TRERF1: variants seen among roughly 807,000 people sequenced by gnomAD.
The protein encoded by TRERF1 is transcriptional-regulating factor 1.
In TRERF1, 27 loss-of-function variants were observed where a neutral mutation model predicts 122.9. That is an observed-to-expected ratio of 0.22 (90% CI 0.16 to 0.30). The LOEUF (loss-of-function observed/expected upper bound fraction) is 0.30, where lower values mean the gene tolerates loss of function less well. TRERF1 is among the 10% of genes least tolerant of loss of function. The pLI, the probability that TRERF1 is intolerant of heterozygous loss-of-function variation, is 1.00. For synonymous variants in TRERF1, 636 were observed against 641.7 expected, an observed-to-expected ratio of 0.99 and a Z score of 0.13; for missense variants, 1,248 against 1,560.3, an observed-to-expected ratio of 0.80 and a Z score of 3.37.
At chr6:42,248,853 C>T (rs544480272) in intron 13 of TRERF1, among the ~76,000 whole-genome samples, 2 of 152,226 alleles carry the variant, frequency 1.3e-5, no homozygotes, top group South Asian at 2.1e-4. Flanking sequence ...GGATTTGAGG[C>T]TCTATATCAC....
At chr6:42,408,435 G>A (rs1175939673) in intron 2 of TRERF1, among the ~76,000 whole-genome samples, 8 of 138,020 alleles carry the variant, frequency 5.8e-5, no homozygotes, top group Non-Finnish European at 9.1e-5. Context: ...CTGGAGTGCA[G>A]TGGCGTGATC....
intron 2 of TRERF1, among the ~76,000 whole-genome samples, chr6:42,436,342 C>T (rs996246321): frequency 6.6e-6 from 1 of 151,630 alleles, no homozygotes; most frequent in African/African-American, 2.4e-5. Flanking sequence ...GCACTCCAGC[C>T]TGGGTGACAG....
chr6:42,261,374 G>C (rs1051360867), intron 8 of TRERF1, among the ~76,000 whole-genome samples: 2 of 152,120 alleles, frequency 1.3e-5, no homozygotes, highest in African/African-American at 2.4e-5. Context: ...TGGATTTTCC[G>C]ATCCTCCAGG....
intron 15 of TRERF1, among the ~76,000 whole-genome samples, chr6:42,240,827 T>TGA (rs1773514376): frequency 6.6e-6 from 1 of 152,220 alleles, no homozygotes; most frequent in Admixed American, 6.5e-5. Context: ...TACACATTGC[T>TGA]GTTTACATTG....
rs1347389179 is a variant in TRERF1, at chr6:42,232,471, T to C, written c.3278+210A>G. 6.6e-6 allele frequency among the ~76,000 whole-genome samples: 1 copy of C among 152,128 alleles called. No individual in the cohort carries two copies. Among genetic ancestry groups the C allele is most frequent in the African/African-American group, 2.4e-5 (1 of 41,410 alleles). ...CTTACAGGTTCACTCTCTGAAGATA[T>C]CCATCCTTACAAGGCTCTAAGATAA... On this transcript the variant is annotated intron_variant, in intron 17 of 17. Transcript: ENST00000372922. The surrounding 1 kb of genome is among the most constrained non-coding windows in gnomAD (Gnocchi z 4.5).
intron 2 of TRERF1, among the ~76,000 whole-genome samples, chr6:42,435,360 T>A (rs932930465): frequency 1.3e-5 from 2 of 152,058 alleles, no homozygotes; most frequent in Admixed American, 1.3e-4. Context: ...ATGGATGGCA[T>A]GTATACAGAG....
At chr6:42,307,830 C>G (rs1366172473) in intron 3 of TRERF1, among the ~76,000 whole-genome samples, 3 of 152,246 alleles carry the variant, frequency 2.0e-5, no homozygotes, top group African/African-American at 7.2e-5. Flanking sequence ...TCTGACTGAA[C>G]TCACTGAAAG....
chr6:42,318,445 G>C (rs1351274020), intron 3 of TRERF1, among the ~76,000 whole-genome samples: 1 of 152,156 alleles, frequency 6.6e-6, no homozygotes. Flanking sequence ...ACTTCACTTG[G>C]TGGAGGGTCA....
At chr6:42,358,847 A>G (rs1302165458) in intron 3 of TRERF1, among the ~76,000 whole-genome samples, 1 of 141,852 alleles carries the variant, frequency 7.0e-6, no homozygotes, top group Admixed American at 7.5e-5. Context: ...TTTGAGAACC[A>G]CTAGTTTACA....
chr6:42,232,767 G>GCAC lies in TRERF1; in HGVS notation c.3191_3192insGTG (p.Tyr1064delinsTer). 6.2e-7 allele frequency: 1 copy of GCAC among 1,613,318 alleles called. No homozygotes were observed. The highest frequency in any genetic ancestry group is 8.5e-7 in the Non-Finnish European group (1 of 1,179,460). On this transcript the variant is annotated stop_gained, in exon 17 of 18. Transcript: ENST00000372922. LOFTEE classifies it high-confidence loss of function. The surrounding 1 kb of genome is among the most constrained non-coding windows in gnomAD (Gnocchi z 4.5). ...GAGAGGGTGAGCTCTTTACCGAACA[G>GCAC]TACCCACTCTGGGTGCCACCAGGCT...
At chr6:42,236,071 G>T in intron 16 of TRERF1, 134 bp downstream of exon 16, 1 of 1,361,538 alleles carries the variant, frequency 7.3e-7, no homozygotes, top group Non-Finnish European at 9.7e-7. Flanking sequence ...AGAAAACAAT[G>T]GCAACATGGA....
intron 2 of TRERF1, among the ~76,000 whole-genome samples, chr6:42,410,865 T>C (rs994675011): frequency 5.9e-5 from 9 of 152,246 alleles, no homozygotes; most frequent in African/African-American, 2.2e-4. Flanking sequence ...TGTGTTTACA[T>C]GAAATTGATC....
At chr6:42,419,646 T>C (rs193063491) in intron 2 of TRERF1, among the ~76,000 whole-genome samples, 3 of 152,146 alleles carry the variant, frequency 2.0e-5, no homozygotes, top group African/African-American at 7.2e-5. Context: ...AACCTTAAGG[T>C]CCCTAGTGGC....
chr6:42,254,500 G>C (rs1012233985), intron 13 of TRERF1, among the ~76,000 whole-genome samples: 3 of 152,180 alleles, frequency 2.0e-5, no homozygotes, highest in African/African-American at 7.2e-5. Flanking sequence ...ACTTGGCCAA[G>C]GGGTGCGGTA....
intron 3 of TRERF1, among the ~76,000 whole-genome samples, chr6:42,325,807 C>T (rs1400033972): frequency 3.3e-5 from 5 of 152,138 alleles, no homozygotes; most frequent in Admixed American, 6.6e-5. Context: ...TCCAGGAGTT[C>T]GAAGCTGCTG....
At chr6:42,358,640 T>C (rs903644931) in intron 3 of TRERF1, among the ~76,000 whole-genome samples, 1 of 152,220 alleles carries the variant, frequency 6.6e-6, no homozygotes, top group African/African-American at 2.4e-5. Context: ...GATTTTTGTT[T>C]TGTTCTTATA....
At chr6:42,260,493 A>G (rs894791309) in intron 8 of TRERF1, among the ~76,000 whole-genome samples, 7 of 152,214 alleles carry the variant, frequency 4.6e-5, no homozygotes, top group African/African-American at 1.4e-4. Flanking sequence ...CTAATAAGTA[A>G]ACATAGGCAC....
At chr6:42,384,810 G>GT (rs879832637) in intron 2 of TRERF1, among the ~76,000 whole-genome samples, 127 of 145,020 alleles carry the variant, frequency 8.8e-4, no homozygotes, top group Middle Eastern at 7.1e-3. Flanking sequence ...TGTCTTTTGG[G>GT]TTTTTTTTTT....
At chr6:42,354,802 T>G (rs182911564) in intron 3 of TRERF1, among the ~76,000 whole-genome samples, 1 of 152,184 alleles carries the variant, frequency 6.6e-6, no homozygotes, top group African/African-American at 2.4e-5. Flanking sequence ...TAATATCCAA[T>G]AGATCTAACT....
Sources: allele counts gnomAD v4.1 joint callset (sites outside exome capture counted in the v4.1 genomes callset), GRCh38; gene constraint gnomAD v4.1.1; non-coding constraint Gnocchi (gnomAD v3.1); transcripts MANE v1.5; gene names NCBI Gene and HGNC (gene_info 2026-07-23, HGNC 2026-07-21).